Variants in PHB1 observed in about 807,000 individuals in gnomAD.
PHB1 encodes epididymis luminal protein 215.
the PHB1 span, chr17:49,404,704 C>T: frequency 8.1e-4 from 367 of 450,622 alleles, 3 homozygotes; most frequent in African/African-American, 5.5e-3. Flanking sequence ...GTGCCCAGGC[C>T]GGAACTCCAG....
chr17:49,411,793 C>T, the PHB1 span: 3 of 1,614,160 alleles, frequency 1.9e-6, no homozygotes, highest in Non-Finnish European at 8.5e-7. Flanking sequence ...CAATGTCCTG[C>T]ACTCCACGGA....
chr17:49,406,541 T>C, the PHB1 span, among the ~76,000 whole-genome samples: 4 of 152,136 alleles, frequency 2.6e-5, no homozygotes, highest in African/African-American at 7.2e-5. Flanking sequence ...GGAAGAAAAA[T>C]TACCCTTCAG....
At chr17:49,409,563 C>T in the PHB1 span, 215 of 960,698 alleles carry the variant, frequency 2.2e-4, 1 homozygote, top group Admixed American at 4.9e-4. Flanking sequence ...TTTTTTGAGA[C>T]AGGTTTTTGC....
chr17:49,411,661 C>T, the PHB1 span: 3 of 1,611,432 alleles, frequency 1.9e-6, no homozygotes, highest in African/African-American at 1.3e-5. Context: ...TTTACCTGAA[C>T]CATAGGCAAG....
chr17:49,411,394 C>T, the PHB1 span, among the ~76,000 whole-genome samples: 1 of 151,964 alleles, frequency 6.6e-6, no homozygotes, highest in Non-Finnish European at 1.5e-5. Context: ...GATGGGGTTT[C>T]ACCACATTGG....
chr17:49,409,548 T>TTG, the PHB1 span: 8 of 956,806 alleles, frequency 8.4e-6, no homozygotes, highest in Middle Eastern at 2.6e-4. Flanking sequence ...TTTTTGTTTT[T>TTG]TTTTTTTTTT....
At chr17:49,411,426 G>C in the PHB1 span, among the ~76,000 whole-genome samples, 5 of 152,028 alleles carry the variant, frequency 3.3e-5, no homozygotes, top group East Asian at 3.9e-4. Flanking sequence ...TTGAACTCCT[G>C]ACCTCAGGTG....
chr17:49,414,683 AC>A, the PHB1 span: 1 of 151,790 alleles, frequency 6.6e-6, no homozygotes. Context: ...ACTCTGAGCA[AC>A]CCCTGGCTCG....
At chr17:49,409,144 A>T in the PHB1 span, 1 of 1,613,800 alleles carries the variant, frequency 6.2e-7, no homozygotes, top group South Asian at 1.1e-5. Context: ...TTAGTTCTCC[A>T]GCATCAAAGC....
chr17:49,411,245 G>T, the PHB1 span, among the ~76,000 whole-genome samples: 2 of 146,430 alleles, frequency 1.4e-5, no homozygotes, highest in Non-Finnish European at 3.0e-5. Flanking sequence ...CTGTTGCCCA[G>T]GCTGCAGTGA....
the PHB1 span, chr17:49,409,075 G>C: frequency 6.2e-7 from 1 of 1,611,328 alleles, no homozygotes; most frequent in South Asian, 1.1e-5. Flanking sequence ...GCCCAAAGGT[G>C]GCGGCTCGCT....
At chr17:49,413,064 G>T in the PHB1 span, 2 of 763,714 alleles carry the variant, frequency 2.6e-6, no homozygotes, top group Non-Finnish European at 2.2e-6. Context: ...AGCCCTCTTG[G>T]CCACAAACAC....
chr17:49,407,483 T>C, the PHB1 span: 20 of 153,732 alleles, frequency 1.3e-4, no homozygotes, highest in Non-Finnish European at 2.6e-4. Context: ...GGTAAAGTCA[T>C]TGGTCGGCAT....
the PHB1 span, chr17:49,409,532 GT>G: frequency 2.0e-3 from 1,492 of 742,676 alleles, 6 homozygotes; most frequent in African/African-American, 0.016. Context: ...GAAAACAAGT[GT>G]TTTTTTTTTG....
chr17:49,407,507 TC>T, the PHB1 span: 1 of 153,230 alleles, frequency 6.5e-6, no homozygotes, highest in Non-Finnish European at 1.5e-5. Context: ...GGTTTAGAAG[TC>T]TGATGATCCA....
the PHB1 span, among the ~76,000 whole-genome samples, chr17:49,406,529 G>A: frequency 2.0e-5 from 3 of 152,222 alleles, no homozygotes; most frequent in Non-Finnish European, 4.4e-5. Flanking sequence ...TCTCAGAGAA[G>A]TGGAAGAAAA....
the PHB1 span, chr17:49,405,211 G>T: frequency 6.2e-7 from 1 of 1,612,432 alleles, no homozygotes; most frequent in African/African-American, 1.3e-5. Flanking sequence ...CAGCCTAAAA[G>T]AATGGAGGTG....
the PHB1 span, chr17:49,407,462 A>AAG: frequency 3.3e-5 from 5 of 153,816 alleles, no homozygotes; most frequent in African/African-American, 1.2e-4. Context: ...GTTTAAAAGA[A>AAG]AGAGAAAGCA....
the PHB1 span, among the ~76,000 whole-genome samples, chr17:49,410,476 C>G: frequency 2.0e-5 from 3 of 152,162 alleles, no homozygotes; most frequent in Non-Finnish European, 2.9e-5. Context: ...CCCCTGAATG[C>G]CCTCAGATAT....
Sources: allele counts gnomAD v4.1 joint callset (sites outside exome capture counted in the v4.1 genomes callset), GRCh38; gene constraint gnomAD v4.1.1; transcripts MANE v1.5; gene names NCBI Gene and HGNC (gene_info 2026-07-23, HGNC 2026-07-21).